SYVN1: variants seen among roughly 807,000 people sequenced by gnomAD.
SYVN1 encodes the protein E3 ubiquitin-protein ligase synoviolin.
A neutral mutation model predicts 62.6 loss-of-function variants in SYVN1; 17 were observed. That is an observed-to-expected ratio of 0.27 (90% CI 0.19 to 0.41). The LOEUF (loss-of-function observed/expected upper bound fraction) is 0.41, where lower values mean the gene tolerates loss of function less well. Ranked by LOEUF, SYVN1 falls within the 10% of genes least tolerant of loss-of-function variation. SYVN1 has a pLI of 1.00. For synonymous variants in SYVN1, 316 were observed against 304.0 expected (o/e 1.04, Z -0.41); for missense variants, 634 against 818.0 (o/e 0.78, Z 2.74).
Position 65,130,811 on chromosome 11 carries a change from G to A in SYVN1, c.954C>T (p.Ser318=). 2 of 1,561,076 alleles carry A rather than the reference G, an allele frequency of 1.3e-6. No individual in the cohort carries two copies. Among genetic ancestry groups the A allele is most frequent in the Non-Finnish European group, 8.6e-7 (1 of 1,158,828 alleles). The change falls in exon 11 of 16, where the codon TCC becomes TCT. Residue 318 remains serine, a synonymous_variant. Transcript: ENST00000377190. Reference sequence around the variant, plus strand: ...GGCAGGTCTGCTGCCGCTGGAACCAGGAGCGCAGGCAGCTGCGGGTCAAGG... The same window carrying A: ...GGCAGGTCTGCTGCCGCTGGAACCAAGAGCGCAGGCAGCTGCGGGTCAAGG... ...NHIFHTSCLR[S]WFQRQQTCPT...
intron 12 of SYVN1, 29 bp downstream of exon 12, chr11:65,130,222 C>T (rs763410719): frequency 2.5e-6 from 4 of 1,609,706 alleles, no homozygotes; most frequent in Admixed American, 3.4e-5. Context: ...CCTGCCGCCC[C>T]CTGGCTGTCA....
rs140304353 is a variant in SYVN1 at position 65,132,745 on chromosome 11, G to A, written c.414C>T (p.His138=). The A allele has an allele frequency of 4.3e-6, 7 of 1,614,016 alleles. No individual in the cohort carries two copies. Among genetic ancestry groups the A allele is most frequent in the East Asian group, 2.2e-5 (1 of 44,888 alleles). The part of the protein sequence containing the change: ...ERSPNISWLF[H]CRIVSLMFLL... ...AATCTCACTCACAGACAATGCGGCA[G>A]TGAAAGAGCCAGGAGATGTTGGGGC... Residue 138 remains histidine (H), a synonymous_variant, in exon 5 of 16, where the codon CAC becomes CAT. Transcript: ENST00000377190.
intron 6 of SYVN1, 33 bp from the exon 7 acceptor site, chr11:65,131,629 C>T (rs375150730): frequency 2.0e-5 from 32 of 1,607,666 alleles, no homozygotes; most frequent in African/African-American, 5.3e-5. Flanking sequence ...GGGATGTAAA[C>T]ACATAGCTCC....
Position 65,127,619 on chromosome 11 carries a change from T to G in SYVN1, c.*763A>C, listed in dbSNP as rs1948117160. On this transcript the variant is annotated 3_prime_UTR_variant, in exon 16 of 16. Coordinates refer to ENST00000377190, the MANE Select transcript of SYVN1 (RefSeq NM_172230.3). ...TCTGCCAGTTGAGAAGTGGCCTTCCTTGGGCGCTGGGATTGCAGTGGTCAG... is the reference window on the plus strand; with the variant it reads ...TCTGCCAGTTGAGAAGTGGCCTTCCGTGGGCGCTGGGATTGCAGTGGTCAG... 6.5e-6 allele frequency: 1 copy of G among 152,932 alleles called. No individual in the cohort carries two copies. Among genetic ancestry groups the G allele is most frequent in the Admixed American group, 6.5e-5 (1 of 15,328 alleles). 9.5% of individuals were successfully genotyped at this position (152,932 alleles called of 1,614,324 possible). A position where few individuals can be genotyped will look rare whatever the true frequency, so the allele number is the denominator to read the frequency against.
In SYVN1 at chr11:65,133,603, G is replaced by A. The variant is rs754921845; in HGVS notation, c.-2C>T. 1 of 1,608,720 alleles carries A rather than the reference G, an allele frequency of 6.2e-7. No individual in the cohort carries two copies. On this transcript the variant is annotated 5_prime_UTR_variant, in exon 2 of 16. Coordinates refer to ENST00000377190, the MANE Select transcript of SYVN1 (RefSeq NM_172230.3). ...CATCATCACTGCCGTGCGGAACATT[G>A]CCCTGGCCCGGAGACCTGCATGGGG...
At position 65,131,595 on chromosome 11, in the gene SYVN1, T is replaced by C. The variant is rs1360728961; in HGVS notation, c.533A>G (p.Tyr178Cys). Reference sequence around the variant, plus strand: ...GAGCACCATCGTCATCAGGATGGCATACTGAAGGGAGAGGGGGACGAGGGG... The same window carrying C: ...GAGCACCATCGTCATCAGGATGGCACACTGAAGGGAGAGGGGGACGAGGGG... ...ASVQLVFGFE[Y>C]AILMTMVLTI... The change falls in exon 7 of 16, where the codon TAT becomes TGT. Residue 178 changes from tyrosine to cysteine, a missense_variant and splice_region_variant. By Grantham distance (194) the Tyr-to-Cys change is radical. Transcript: ENST00000377190. 2.5e-6 allele frequency: 4 copies of C among 1,613,364 alleles called. No homozygotes were observed. Among genetic ancestry groups the C allele is most frequent in the East Asian group, 2.2e-5 (1 of 44,896 alleles).
chr11:65,130,108 A>G lies in SYVN1; in HGVS notation c.1302T>C (p.Ser434=), dbSNP rs774138980. ...TAAGTSATAA[S]ATASGPGSGS... ...CAGAGCCTGGGCCAGATGCTGTGGC[A>G]GAAGCAGCAGTAGCACTGGTGCCAG... The change falls in exon 13 of 16, where the codon TCT becomes TCC. Residue 434 remains serine, a synonymous_variant. Transcript: ENST00000377190. 8 of 1,611,604 alleles carry G rather than the reference A, an allele frequency of 5.0e-6. No homozygotes were observed. Among genetic ancestry groups the G allele is most frequent in the Admixed American group, 3.3e-5 (2 of 59,758 alleles).
intron 1 of SYVN1, chr11:65,134,201 GGA>G (rs1948218267): frequency 6.5e-6 from 1 of 153,172 alleles, no homozygotes; most frequent in Admixed American, 6.5e-5. Context: ...CAGCGGGACG[GGA>G]GAGAGCAGCA....
intron 2 of SYVN1, 93 bp downstream of exon 2, chr11:65,133,376 TC>T (rs1403501833): frequency 6.3e-7 from 1 of 1,583,262 alleles, no homozygotes; most frequent in Admixed American, 1.7e-5. Flanking sequence ...GGCGGCTACT[TC>T]CCTACTTACC....
chr11:65,131,126 A>G lies in SYVN1; in HGVS notation c.824+6T>C, dbSNP rs1479931438. The stretch of plus-strand genomic sequence containing the variant: ...TTGGGACAGCAGCCATGACAAGCCT[A>G]CTTACAGGGTGTTCATGTTGCGGAT... On this transcript the variant is annotated splice_donor_region_variant and intron_variant, in intron 9 of 15. Transcript: ENST00000377190. The G allele has an allele frequency of 6.2e-7, 1 of 1,614,050 alleles. No individual in the cohort carries two copies. The highest frequency in any genetic ancestry group is 1.3e-5 in the African/African-American group (1 of 74,932).
At position 65,128,315 on chromosome 11, in the gene SYVN1, G is replaced by C. The variant is rs756278357; in HGVS notation, c.*67C>G. On this transcript the variant is annotated 3_prime_UTR_variant, in exon 16 of 16. Coordinates refer to ENST00000377190, the MANE Select transcript of SYVN1 (RefSeq NM_172230.3). ...GCAGACAGAGAGGGAGCTGGCACTT[G>C]GTGGCAGGACATGTTCCAGCGAGGG... The C allele has an allele frequency of 3.8e-6, 5 of 1,328,794 alleles. No individual in the cohort carries two copies. Among genetic ancestry groups the C allele is most frequent in the African/African-American group, 2.9e-5 (2 of 69,146 alleles). The allele number at this position is 1,328,794 out of a possible 1,614,324, so 82.3% of individuals were successfully genotyped here. A position where few individuals can be genotyped will look rare whatever the true frequency, so the allele number is the denominator to read the frequency against.
Position 65,132,575 on chromosome 11 carries a change from A to T in SYVN1, c.427+157T>A, listed in dbSNP as rs1229562408. 7.4e-6 allele frequency: 7 copies of T among 948,654 alleles called. No homozygotes were observed. The South Asian group carries it at 8.8e-5, about 12-fold the overall frequency. The allele number at this position is 948,654 out of a possible 1,614,324, so 58.8% of individuals were successfully genotyped here. A position where few individuals can be genotyped will look rare whatever the true frequency, so the allele number is the denominator to read the frequency against. ...AAGGCAAAGGGCTGAGGGCCCAGGCAGTTGAGAAGCCCTAGAGTGGAACAG... is the reference window on the plus strand; with the variant it reads ...AAGGCAAAGGGCTGAGGGCCCAGGCTGTTGAGAAGCCCTAGAGTGGAACAG... On this transcript the variant is annotated intron_variant, in intron 5 of 15. Coordinates refer to ENST00000377190, the MANE Select transcript of SYVN1 (RefSeq NM_172230.3).
At position 65,133,369 on chromosome 11, in the gene SYVN1, G is replaced by A. The variant is rs1386582353; in HGVS notation, c.132+101C>T. 8 of 1,575,194 alleles carry A rather than the reference G, an allele frequency of 5.1e-6. No individual in the cohort carries two copies. The East Asian group carries it at 6.8e-5, about 13-fold the overall frequency. Reference sequence around the variant, plus strand: ...GTTTATTCAAAGTTAGGCAGCTGGCGGCTACTTCCCTACTTACCTGACCTC... The same window carrying A: ...GTTTATTCAAAGTTAGGCAGCTGGCAGCTACTTCCCTACTTACCTGACCTC... On this transcript the variant is annotated intron_variant, in intron 2 of 15. Coordinates refer to ENST00000377190, the MANE Select transcript of SYVN1 (RefSeq NM_172230.3).
rs745791265 is a variant in SYVN1 at position 65,128,498 on chromosome 11, G to A, written c.1748-10C>T. ...CCCACTGACTCAGGAGCTGGGGACA[G>A]AGAGACTGGAAGTGGAACCTAGAGA... On this transcript the variant is annotated splice_polypyrimidine_tract_variant and intron_variant, in intron 15 of 15. Coordinates refer to ENST00000377190, the MANE Select transcript of SYVN1 (RefSeq NM_172230.3). 1 of 1,613,540 alleles carries A rather than the reference G, an allele frequency of 6.2e-7. No individual in the cohort carries two copies. The highest frequency in any genetic ancestry group is 8.5e-7 in the Non-Finnish European group (1 of 1,179,548).
Position 65,130,172 on chromosome 11 carries a change from G to A in SYVN1, c.1238C>T (p.Ala413Val), listed in dbSNP as rs1289735038. 4 of 1,605,162 alleles carry A rather than the reference G, an allele frequency of 2.5e-6. No homozygotes were observed. In the South Asian group the frequency reaches 3.3e-5, roughly 13 times the overall value. ...AGCTGCTCCACTGGGCCGAGAAAGG[G>A]CTGCTGAAGAGCAGGAACGAAGTCA... ...AVAPPSTSAA[A>V]LSRPSGAATT... is the part of the protein sequence containing the mutation. Residue 413 changes from alanine to valine, a missense_variant, in exon 13 of 16, where the codon GCC (alanine) becomes GTC (valine). Transcript: ENST00000377190.
chr11:65,128,033 A>G lies in SYVN1; in HGVS notation c.*349T>C. The G allele has an allele frequency of 2.4e-6, 1 of 418,146 alleles. No individual in the cohort carries two copies. The allele number at this position is 418,146 out of a possible 1,614,324, so 25.9% of individuals were successfully genotyped here. A position where few individuals can be genotyped will look rare whatever the true frequency, so the allele number is the denominator to read the frequency against. On this transcript the variant is annotated 3_prime_UTR_variant, in exon 16 of 16. Coordinates refer to ENST00000377190, the MANE Select transcript of SYVN1 (RefSeq NM_172230.3). Reference sequence around the variant, plus strand: ...GTTCGGCACTGCAGTGTGACTCCGCACATACAAGTAGGGCTTGGAGGGGCA... The same window carrying G: ...GTTCGGCACTGCAGTGTGACTCCGCGCATACAAGTAGGGCTTGGAGGGGCA...
chr11:65,130,864 G>C lies in SYVN1; in HGVS notation c.942-41C>G, dbSNP rs780260969. 12 of 1,608,572 alleles carry C rather than the reference G, an allele frequency of 7.5e-6. No homozygotes were observed. The South Asian group carries it at 1.2e-4, about 16-fold the overall frequency. Reference sequence around the variant, plus strand: ...AGGCAGAGGTCAGCAGGTCCCTAGGGGCCTGCCTTCTGGGGCCTGTGCCCT... The same window carrying C: ...AGGCAGAGGTCAGCAGGTCCCTAGGCGCCTGCCTTCTGGGGCCTGTGCCCT... On this transcript the variant is annotated intron_variant, in intron 10 of 15. Transcript: ENST00000377190.
In SYVN1 at chr11:65,130,743, T is replaced by A; in HGVS notation, c.1022A>T (p.Gln341Leu). 1 of 1,532,294 alleles carries A rather than the reference T, an allele frequency of 6.5e-7. No individual in the cohort carries two copies. The highest frequency in any genetic ancestry group is 8.7e-7 in the Non-Finnish European group (1 of 1,144,016). The allele number at this position is 1,532,294 out of a possible 1,614,324, so 94.9% of individuals were successfully genotyped here. Residue 341 changes from glutamine (Q) to leucine (L), a missense_variant, in exon 11 of 16, where the codon CAG (glutamine) becomes CTG (leucine). Gln to Leu is a moderately radical substitution (Grantham distance 113). Transcript: ENST00000377190. ...MDVLRASLPAQSPPPPEPADQ... is the reference protein window; with the variant it reads ...MDVLRASLPALSPPPPEPADQ... ...CGCAGGCTCCGGGGGTGGTGGTGAC[T>A]GCGCTGGCAGCGATGCACGAAGGAC...
At position 65,128,724 on chromosome 11, in the gene SYVN1, G is replaced by A; in HGVS notation, c.1596-10C>T. 2.5e-6 allele frequency: 4 copies of A among 1,595,472 alleles called. No individual in the cohort carries two copies. The highest frequency in any genetic ancestry group is 3.4e-6 in the Non-Finnish European group (4 of 1,171,100). Reference sequence around the variant, plus strand: ...GGCAGGCCGGGGGGGCCTGGGAAGAGAAGGGACGAGAGGCGGGCCTGGCCT... The same window carrying A: ...GGCAGGCCGGGGGGGCCTGGGAAGAAAAGGGACGAGAGGCGGGCCTGGCCT... On this transcript the variant is annotated splice_polypyrimidine_tract_variant and intron_variant, in intron 14 of 15. Transcript: ENST00000377190.
Sources: allele counts gnomAD v4.1 joint callset, GRCh38; gene constraint gnomAD v4.1.1; transcripts MANE v1.5; gene names NCBI Gene and HGNC (gene_info 2026-07-23, HGNC 2026-07-21).